Variants in TOP3A observed in about 807,000 individuals in gnomAD.
TOP3A encodes DNA topoisomerase III alpha.
In TOP3A, 64 loss-of-function variants were observed where a neutral mutation model predicts 111.3. The ratio of observed to expected loss-of-function variants is 0.57; its 90% CI spans 0.47 to 0.71. The LOEUF is 0.71. TOP3A is among the 30% of genes least tolerant of loss of function. TOP3A has a pLI of 0.00. For synonymous variants in TOP3A, 484 were observed against 485.1 expected, an observed-to-expected ratio of 1.00 and a Z score of 0.03; for missense variants, 1,104 against 1,285.0, an observed-to-expected ratio of 0.86 and a Z score of 2.15.
chr17:18,284,388 C>G (rs1351993940), intron 15 of TOP3A, among the ~76,000 whole-genome samples: 1 of 152,094 alleles, frequency 6.6e-6, no homozygotes, highest in Non-Finnish European at 1.5e-5. Context: ...ATCAACTCAA[C>G]CTCCAGCCCC....
At chr17:18,291,996 G>A (rs1011505401) in intron 11 of TOP3A, among the ~76,000 whole-genome samples, 5 of 152,168 alleles carry the variant, frequency 3.3e-5, no homozygotes, top group African/African-American at 1.2e-4. Flanking sequence ...ACAAGCATAA[G>A]CCACCGCGTC....
chr17:18,285,557 G>A (rs1424585719), intron 13 of TOP3A, 37 bp from the exon 14 acceptor site: 2 of 1,590,746 alleles, frequency 1.3e-6, no homozygotes, highest in Non-Finnish European at 1.7e-6. Context: ...AGGTAATACA[G>A]ACAACAGCTC....
chr17:18,314,360 G>A (rs771116617), intron 1 of TOP3A, among the ~76,000 whole-genome samples: 4 of 152,248 alleles, frequency 2.6e-5, no homozygotes, highest in Non-Finnish European at 4.4e-5. Context: ...TTGGGAACCT[G>A]CTAAGCGCAA....
chr17:18,290,337 A>G (rs1980386791), intron 13 of TOP3A, among the ~76,000 whole-genome samples: 3 of 152,242 alleles, frequency 2.0e-5, no homozygotes. Context: ...TGCATGGTTT[A>G]AGAGCACTGA....
intron 16 of TOP3A, among the ~76,000 whole-genome samples, chr17:18,280,887 AC>A (rs1979718153): frequency 6.6e-6 from 1 of 152,246 alleles, no homozygotes; most frequent in African/African-American, 2.4e-5. Flanking sequence ...TATTTAGAAA[AC>A]CAACAACCAA....
intron 16 of TOP3A, among the ~76,000 whole-genome samples, chr17:18,282,463 A>C (rs898330685): frequency 6.6e-6 from 1 of 152,136 alleles, no homozygotes; most frequent in Non-Finnish European, 1.5e-5. Flanking sequence ...CACAGGGGAC[A>C]AAAAAACCCC....
rs1204870280 is a variant in TOP3A at position 18,274,874 on chromosome 17, T to C, written c.2934A>G (p.Ala978=). ...RASSSDMGST[A]KKPRKCSLCH... Reference sequence around the variant, plus strand: ...AAAGGCTGCATTTCCGGGGTTTCTTTGCTGTGGACCCCATGTCTGAGGAAC... The same window carrying C: ...AAAGGCTGCATTTCCGGGGTTTCTTCGCTGTGGACCCCATGTCTGAGGAAC... Residue 978 remains alanine, a synonymous_variant, in exon 19 of 19, where the codon GCA becomes GCG. Coordinates refer to ENST00000321105, the MANE Select transcript of TOP3A (RefSeq NM_004618.5). 2.5e-6 allele frequency: 4 copies of C among 1,614,172 alleles called. No individual in the cohort carries two copies. Among genetic ancestry groups the C allele is most frequent in the Non-Finnish European group, 3.4e-6 (4 of 1,180,036 alleles).
At chr17:18,311,006 T>C (rs1426075917) in intron 1 of TOP3A, among the ~76,000 whole-genome samples, 1 of 151,602 alleles carries the variant, frequency 6.6e-6, no homozygotes, top group East Asian at 1.9e-4. Flanking sequence ...TATGAATTTT[T>C]TTTTTTTTTT....
chr17:18,292,788 C>T lies in TOP3A; in HGVS notation c.1138G>A (p.Val380Met). 6.2e-7 allele frequency: 1 copy of T among 1,614,082 alleles called. No homozygotes were observed. The highest frequency in any genetic ancestry group is 2.2e-5 in the East Asian group (1 of 44,878). ...FPRDLNLTVL[V>M]EQQTPDPRWG... The stretch of plus-strand genomic sequence containing the variant: ...CGTGGATCGGGGGTCTGCTGTTCCA[C>T]CAACACCGTCAGGTTTAAGTCTCTG... Residue 380 changes from valine (V) to methionine (M), a missense_variant, in exon 11 of 19, where the codon GTG becomes ATG. By Grantham distance (21) the Val-to-Met change is conservative. Coordinates refer to ENST00000321105, the MANE Select transcript of TOP3A (RefSeq NM_004618.5).
chr17:18,290,427 T>G (rs1830273226), intron 13 of TOP3A, 130 bp downstream of exon 13: 4 of 1,133,962 alleles, frequency 3.5e-6, no homozygotes, highest in Non-Finnish European at 4.7e-6. Flanking sequence ...TGAGCCTTAT[T>G]TCAACTATAA....
At chr17:18,307,909 CA>C (rs146925164) in intron 3 of TOP3A, among the ~76,000 whole-genome samples, 25,130 of 68,596 alleles carry the variant, frequency 0.37, 2,339 homozygotes, top group African/African-American at 0.41. Flanking sequence ...GACCCTGACT[CA>C]AAAAAAAAAA....
intron 9 of TOP3A, among the ~76,000 whole-genome samples, chr17:18,295,784 T>C (rs1033962856): frequency 4.8e-5 from 7 of 147,314 alleles, no homozygotes; most frequent in Admixed American, 4.1e-4. Context: ...TTTTTTTTTT[T>C]CACATGGAGT....
rs747401532 is a variant in TOP3A, at chr17:18,274,938, G to A, written c.2870C>T (p.Thr957Ile). ...TTTGCTTCTGGCTTCCGACTCCAGG[G>A]TTCTTCCTCTGTCTCCTGTCCAGGA... ...APSWTGDRGR[T>I]LESEARSKRP... is the part of the protein sequence containing the mutation. Residue 957 changes from threonine (T) to isoleucine (I), a missense_variant, in exon 19 of 19, where the codon ACC becomes ATC. Transcript: ENST00000321105. The A allele has an allele frequency of 1.4e-5, 23 of 1,614,010 alleles. 1 individual carries two copies. The South Asian group carries it at 2.3e-4, about 16-fold the overall frequency.
chr17:18,303,550 A>T (rs1484944237), intron 5 of TOP3A, among the ~76,000 whole-genome samples: 3 of 152,220 alleles, frequency 2.0e-5, no homozygotes, highest in African/African-American at 7.2e-5. Context: ...GAGGCGAGAC[A>T]TCACGGCGGC....
chr17:18,271,884 G>T lies in TOP3A; in HGVS notation c.*2918C>A. ...TTGAGACCAGCCTGGCCAACATGGT[G>T]AAACCCCGTCTTTACTAAAAATACT... On this transcript the variant is annotated 3_prime_UTR_variant, in exon 19 of 19. Coordinates refer to ENST00000321105, the MANE Select transcript of TOP3A (RefSeq NM_004618.5). 1 of 355,448 alleles carries T rather than the reference G, an allele frequency of 2.8e-6. No individual in the cohort carries two copies. 22.0% of individuals were successfully genotyped at this position (355,448 alleles called of 1,614,324 possible).
Position 18,306,197 on chromosome 17 carries a change from G to T in TOP3A, c.390+694C>A, listed in dbSNP as rs562741366. On this transcript the variant is annotated intron_variant, in intron 4 of 18. Transcript: ENST00000321105. Reference sequence around the variant, plus strand: ...GCCTGGGGGACAAGAGCGAGACTTCGTCTCAAAAAATAAATAAATAAATAA... The same window carrying T: ...GCCTGGGGGACAAGAGCGAGACTTCTTCTCAAAAAATAAATAAATAAATAA... 2.0e-5 allele frequency among the ~76,000 whole-genome samples: 3 copies of T among 152,070 alleles called. No homozygotes were observed. In the East Asian group the frequency reaches 5.8e-4, roughly 29 times the overall value.
intron 15 of TOP3A, among the ~76,000 whole-genome samples, chr17:18,284,539 G>A (rs749439951): frequency 2.8e-4 from 42 of 152,014 alleles, no homozygotes; most frequent in Non-Finnish European, 4.9e-4. Context: ...AACAGACACA[G>A]CACTTAAAAA....
At chr17:18,275,494 G>A (rs2142926510) in intron 18 of TOP3A, among the ~76,000 whole-genome samples, 1 of 149,676 alleles carries the variant, frequency 6.7e-6, no homozygotes, top group South Asian at 2.1e-4. Flanking sequence ...CGAGTAGCTG[G>A]GACTACAGGC....
chr17:18,282,634 C>T (rs1454457603), intron 16 of TOP3A, 64 bp downstream of exon 16: 11 of 1,599,818 alleles, frequency 6.9e-6, no homozygotes, highest in East Asian at 2.2e-5. Flanking sequence ...CAGGGTCTTT[C>T]GAGCTACGGC....
Sources: gnomAD v4.1 joint callset for allele counts (sites outside exome capture counted in the v4.1 genomes callset) on GRCh38, gnomAD v4.1.1 for gene constraint, MANE v1.5 for transcripts, NCBI Gene and HGNC (gene_info 2026-07-23, HGNC 2026-07-21) for gene names.